Variants in TENM2 observed in about 807,000 individuals in gnomAD.
The protein encoded by TENM2 is teneurin transmembrane protein 2, also known as teneurin-2.
Under a neutral mutation model 245.2 loss-of-function variants are expected in TENM2, and 52 were observed. The observed-to-expected ratio is 0.21, with a 90% confidence interval of 0.17 to 0.27. The LOEUF is 0.27. Among genes scored for constraint, TENM2 ranks in the 10% least tolerant of loss-of-function variants. The pLI, the probability that TENM2 is intolerant of heterozygous loss-of-function variation, is 1.00. For synonymous variants in TENM2, 1,363 were observed against 1,438.9 expected (o/e 0.95, Z 1.19); for missense variants, 3,046 against 3,666.8 (o/e 0.83, Z 4.37).
intron 14 of TENM2, among the ~76,000 whole-genome samples, chr5:168,192,776 G>A (rs769285239): frequency 1.3e-5 from 2 of 152,094 alleles, no homozygotes; most frequent in Non-Finnish European, 2.9e-5. Flanking sequence ...CTAGAGACCC[G>A]TGACTGGGCA....
At chr5:167,328,148 GT>G (rs1757199459) in intron 1 of TENM2, among the ~76,000 whole-genome samples, 1 of 139,952 alleles carries the variant, frequency 7.1e-6, no homozygotes, top group East Asian at 2.1e-4. Context: ...AAAAAAATCA[GT>G]TTTCTTATTT....
chr5:167,372,331 C>A (rs1200138470), intron 1 of TENM2, among the ~76,000 whole-genome samples: 3 of 152,178 alleles, frequency 2.0e-5, no homozygotes, highest in African/African-American at 7.2e-5. Context: ...CTGAAGACCT[C>A]AAGTTTGTTT....
chr5:167,452,931 T>TATATATATATATATATATATA (rs1554157698), intron 2 of TENM2, among the ~76,000 whole-genome samples: 1 of 4,872 alleles, frequency 2.1e-4, no homozygotes. Context: ...AAAGTATGAT[T>TATATATATATATATATATATA]TATATATATA....
intron 12 of TENM2, among the ~76,000 whole-genome samples, chr5:168,154,431 G>A (rs569919776): frequency 1.3e-5 from 2 of 152,156 alleles, no homozygotes; most frequent in Admixed American, 1.3e-4. Flanking sequence ...CACCACGTTG[G>A]CCAGGTTGGT....
intron 1 of TENM2, among the ~76,000 whole-genome samples, chr5:167,286,487 C>T (rs1353323802): frequency 6.6e-6 from 1 of 152,132 alleles, no homozygotes; most frequent in Non-Finnish European, 1.5e-5. Flanking sequence ...AGAATCATGG[C>T]TTAATTAACT....
intron 2 of TENM2, among the ~76,000 whole-genome samples, chr5:167,502,510 T>TA (rs1186714958): frequency 6.6e-6 from 1 of 152,202 alleles, no homozygotes; most frequent in Non-Finnish European, 1.5e-5. Flanking sequence ...ATTCATTGGG[T>TA]AAACAATATA....
rs552477938 is a variant in TENM2, at chr5:167,327,064, G to A, written c.226+42001G>A. ...TTATACTTTAAGTTTTAGGGTGCAT[G>A]TGCACAACATGCAGGTTTGTTACAT... is the stretch of plus-strand genomic sequence containing the variant. On this transcript the variant is annotated intron_variant, in intron 1 of 28. Coordinates refer to ENST00000518659, the Ensembl canonical transcript of TENM2. 3.4e-3 allele frequency among the ~76,000 whole-genome samples: 524 copies of A among 152,212 alleles called. 3 individuals carry two copies. Among genetic ancestry groups the A allele is most frequent in the Non-Finnish European group, 6.2e-3 (421 of 68,016 alleles).
At position 167,452,964 on chromosome 5, in the gene TENM2, T is replaced by TTAAATATATATATATTTAA. The variant is rs1554157789; in HGVS notation, c.502+77491_502+77492insTAAATATATATATATTTAA. Among the ~76,000 whole-genome samples, 37 of 108,212 alleles carry TTAAATATATATATATTTAA rather than the reference T, an allele frequency of 3.4e-4. 1 individual carries two copies. The highest frequency in any genetic ancestry group is 5.7e-4 in the Non-Finnish European group (31 of 54,322). The allele number at this position is 108,212 out of a possible 152,430, so 71.0% of individuals were successfully genotyped here. On this transcript the variant is annotated intron_variant, in intron 2 of 28. Coordinates refer to ENST00000518659, the Ensembl canonical transcript of TENM2. ...ATATATATATATATATATATATATTTAAAAAAAAAAACACTGGTATGGCAG... is the reference window on the plus strand; with the variant it reads ...ATATATATATATATATATATATATTTTAAATATATATATATTTAAAAAAAAAAAAACACTGGTATGGCAG...
chr5:167,791,062 A>G (rs990805471), intron 2 of TENM2, among the ~76,000 whole-genome samples: 3 of 152,168 alleles, frequency 2.0e-5, no homozygotes, highest in African/African-American at 4.8e-5. Flanking sequence ...CTGTATCTCA[A>G]TAGCTGCCCA....
chr5:167,084,656 T>C, the TENM2 span, among the ~76,000 whole-genome samples: 9 of 152,002 alleles, frequency 5.9e-5, no homozygotes, highest in Non-Finnish European at 1.3e-4. Flanking sequence ...TTTTCTCAGC[T>C]TCTATCTCCT....
intron 2 of TENM2, among the ~76,000 whole-genome samples, chr5:167,442,069 G>A (rs1220862810): frequency 6.6e-6 from 1 of 152,166 alleles, no homozygotes; most frequent in East Asian, 1.9e-4. Context: ...TTTAAAATTA[G>A]GATGTTGTTG....
intron 12 of TENM2, among the ~76,000 whole-genome samples, chr5:168,156,050 T>G (rs1449764996): frequency 6.6e-6 from 1 of 151,952 alleles, no homozygotes; most frequent in Non-Finnish European, 1.5e-5. Flanking sequence ...AGGCAAAACT[T>G]TCTGCCTTTC....
chr5:167,068,753 G>A, the TENM2 span, among the ~76,000 whole-genome samples: 7 of 152,122 alleles, frequency 4.6e-5, no homozygotes, highest in African/African-American at 1.7e-4. Flanking sequence ...AATAATATTA[G>A]TTGACTGGTT....
At chr5:168,028,977 A>C (rs1786865839) in intron 5 of TENM2, among the ~76,000 whole-genome samples, 1 of 152,050 alleles carries the variant, frequency 6.6e-6, no homozygotes, top group Non-Finnish European at 1.5e-5. Flanking sequence ...ACCCTCTCTT[A>C]ATTTGGCCAG....
At chr5:167,978,051 C>T (rs1782570306) in intron 4 of TENM2, among the ~76,000 whole-genome samples, 1 of 152,288 alleles carries the variant, frequency 6.6e-6, no homozygotes, top group South Asian at 2.1e-4. Flanking sequence ...ACCTCTCTTG[C>T]CATGTGATGC....
the TENM2 span, among the ~76,000 whole-genome samples, chr5:167,035,897 C>T: frequency 6.6e-6 from 1 of 152,158 alleles, no homozygotes; most frequent in African/African-American, 2.4e-5. Context: ...CACCTGCCAC[C>T]ACGCCCAGAT....
intron 9 of TENM2, among the ~76,000 whole-genome samples, chr5:168,102,736 G>A (rs2152290299): frequency 1.3e-5 from 2 of 152,268 alleles, no homozygotes; most frequent in South Asian, 4.2e-4. Flanking sequence ...GATTAGCACT[G>A]AATTTATTTC....
intron 2 of TENM2, among the ~76,000 whole-genome samples, chr5:167,455,970 G>A (rs1765897191): frequency 6.6e-6 from 1 of 152,126 alleles, no homozygotes; most frequent in African/African-American, 2.4e-5. Context: ...GTTCAAAAGA[G>A]CAACAAAATC....
At chr5:168,203,641 T>A in intron 17 of TENM2, 48 bp from the exon 20 acceptor site, 1 of 1,527,616 alleles carries the variant, frequency 6.5e-7, no homozygotes, top group Non-Finnish European at 8.9e-7. Context: ...AGTAATCAAG[T>A]AAACTCTCTC....
Sources: gnomAD v4.1 joint callset for allele counts (sites outside exome capture counted in the v4.1 genomes callset) on GRCh38, gnomAD v4.1.1 for gene constraint, MANE v1.5 for transcripts, NCBI Gene and HGNC (gene_info 2026-07-23, HGNC 2026-07-21) for gene names.